SANBR: variants seen among roughly 807,000 people sequenced by gnomAD.
SANBR encodes the protein SANT and BTB domain regulator of CSR, also known as SANT and BTB domain regulator of class switch recombination.
A neutral mutation model predicts 101.8 loss-of-function variants in SANBR; 77 were observed. That is an observed-to-expected ratio of 0.76 (90% CI 0.63 to 0.91). The LOEUF is 0.91. Ranked by LOEUF, SANBR falls within the 40% of genes least tolerant of loss-of-function variation. SANBR has a pLI of 0.00. For missense variants in SANBR, 875 were observed against 853.0 expected (o/e 1.03, Z -0.32); for synonymous variants, 279 against 274.7 (o/e 1.02, Z -0.15).
chr2:61,106,487 T>C, intron 13 of SANBR, 76 bp from the exon 14 acceptor site: 2 of 992,372 alleles, frequency 2.0e-6, no homozygotes, highest in South Asian at 3.0e-5. Context: ...TTGAAACATT[T>C]GTAATAAAAA....
At chr2:61,077,466 C>G (rs1681853523) in intron 6 of SANBR, among the ~76,000 whole-genome samples, 1 of 152,106 alleles carries the variant, frequency 6.6e-6, no homozygotes, top group Non-Finnish European at 1.5e-5. Context: ...TGTCACTTGA[C>G]TTTCTCACTG....
Position 61,083,248 on chromosome 2 carries a change from G to A in SANBR, c.824G>A (p.Arg275His), listed in dbSNP as rs74574747. 4.0e-5 allele frequency: 64 copies of A among 1,609,806 alleles called. 1 individual carries two copies. The highest frequency in any genetic ancestry group is 3.1e-4 in the South Asian group (28 of 90,984). The change falls in exon 8 of 22, where the codon CGT becomes CAT. Residue 275 changes from arginine (R) to histidine (H), a missense_variant. Arg to His is a conservative substitution (Grantham distance 29). Coordinates refer to ENST00000402291, the MANE Select transcript of SANBR (RefSeq NM_001129993.3). ...MNCINANLLT[R>H]IADLFSHNEV... Reference sequence around the variant, plus strand: ...TGTATTAATGCAAATCTTCTCACACGTATAGCTGATCTGTTCTCACACAAT... The same window carrying A: ...TGTATTAATGCAAATCTTCTCACACATATAGCTGATCTGTTCTCACACAAT...
Position 61,121,233 on chromosome 2 carries a change from G to T in SANBR, c.2077G>T (p.Val693Leu). The change falls in exon 21 of 22, where the codon GTG becomes TTG. Residue 693 changes from valine to leucine, a missense_variant. Val to Leu is a conservative substitution (Grantham distance 32). Transcript: ENST00000402291. Reference protein sequence around the residue: ...SRLEAQIKASVPVSARQSSSE... With the variant: ...SRLEAQIKASLPVSARQSSSE... ...GCTGGAAGCACAAATCAAGGCCTCA[G>T]TGCCAGTTAGTGCACGCCAAAGCAG... 1.3e-6 allele frequency: 2 copies of T among 1,551,314 alleles called. No individual in the cohort carries two copies. Among genetic ancestry groups the T allele is most frequent in the Non-Finnish European group, 1.7e-6 (2 of 1,146,662 alleles).
chr2:61,135,804 A>G (rs1419984539), intron 21 of SANBR, among the ~76,000 whole-genome samples: 1 of 152,222 alleles, frequency 6.6e-6, no homozygotes, highest in Non-Finnish European at 1.5e-5. Flanking sequence ...GTAGGGAATT[A>G]TAGAAAGCAA....
At chr2:61,093,108 G>C (rs928870964) in intron 11 of SANBR, among the ~76,000 whole-genome samples, 1 of 151,976 alleles carries the variant, frequency 6.6e-6, no homozygotes, top group Non-Finnish European at 1.5e-5. Context: ...ACTCCAGCCT[G>C]GGTGACAGAG....
At chr2:61,076,792 C>G (rs1291447251) in intron 5 of SANBR, 128 bp from the exon 6 acceptor site, 4 of 659,678 alleles carry the variant, frequency 6.1e-6, no homozygotes, top group Non-Finnish European at 7.9e-6. Context: ...TGTCAAGACC[C>G]TATAAAACTG....
exon 21 of SANBR, chr2:61,134,169 G>A: frequency 6.2e-7 from 1 of 1,613,770 alleles, no homozygotes; most frequent in Non-Finnish European, 8.5e-7. Flanking sequence ...ACGGCACTGT[G>A]TCTAAGAGCA....
At chr2:61,121,355 A>G in intron 21 of SANBR, 79 bp downstream of exon 21, 1 of 866,624 alleles carries the variant, frequency 1.2e-6, no homozygotes, top group Non-Finnish European at 1.8e-6. Context: ...TATGAACACT[A>G]GAAACATATC....
At chr2:61,068,029 T>C (rs1260563113) in intron 1 of SANBR, among the ~76,000 whole-genome samples, 1 of 152,230 alleles carries the variant, frequency 6.6e-6, no homozygotes, top group African/African-American at 2.4e-5. Context: ...TTTTGTGACC[T>C]TCTCGTTAAT....
intron 3 of SANBR, among the ~76,000 whole-genome samples, chr2:61,070,830 G>A (rs1460832916): frequency 6.6e-6 from 1 of 150,812 alleles, no homozygotes; most frequent in Non-Finnish European, 1.5e-5. Context: ...CTGGAGTGCA[G>A]TGGTGCCATC....
intron 20 of SANBR, among the ~76,000 whole-genome samples, chr2:61,119,224 T>TA (rs1173020221): frequency 6.6e-6 from 1 of 152,238 alleles, no homozygotes; most frequent in Non-Finnish European, 1.5e-5. Flanking sequence ...TGGTATTATG[T>TA]AAGTACCATA....
chr2:61,081,244 C>T (rs1042595928), intron 6 of SANBR, among the ~76,000 whole-genome samples: 10 of 151,948 alleles, frequency 6.6e-5, no homozygotes, highest in Non-Finnish European at 1.2e-4. Flanking sequence ...GAATCTAACG[C>T]CAGGGTAAAT....
chr2:61,069,383 G>A (rs1368854326), intron 2 of SANBR, among the ~76,000 whole-genome samples: 4 of 150,972 alleles, frequency 2.6e-5, no homozygotes, highest in Admixed American at 1.3e-4. Context: ...AGCAAGGTTC[G>A]ATGACTTGCC....
At chr2:61,135,485 G>T (rs1346607467) in intron 21 of SANBR, among the ~76,000 whole-genome samples, 2 of 152,220 alleles carry the variant, frequency 1.3e-5, no homozygotes, top group Non-Finnish European at 2.9e-5. Context: ...TGGGCCTAAT[G>T]ACAGCATTTT....
chr2:61,106,377 C>G (rs535783047), intron 13 of SANBR, among the ~76,000 whole-genome samples, 186 bp from the exon 14 acceptor site: 2 of 105,294 alleles, frequency 1.9e-5, no homozygotes, highest in Non-Finnish European at 1.7e-5. Flanking sequence ...GGTGACAGAG[C>G]GAGACTCCAT....
chr2:61,113,722 C>T (rs555722095), intron 16 of SANBR, among the ~76,000 whole-genome samples: 73 of 152,264 alleles, frequency 4.8e-4, no homozygotes, highest in African/African-American at 1.7e-3. Flanking sequence ...GATTTCATTC[C>T]AATCTGTATA....
Position 61,117,385 on chromosome 2 carries a change from T to C in SANBR, c.1865T>C (p.Val622Ala). Residue 622 changes from valine (V) to alanine (A), a missense_variant and splice_region_variant, in exon 18 of 22, where the codon GTT becomes GCT. Physicochemically the swap from Val to Ala is moderately conservative, Grantham distance 64 (BLOSUM62 0). Coordinates refer to ENST00000402291, the MANE Select transcript of SANBR (RefSeq NM_001129993.3). ...KSASRDVSPF[V>A]MSMQKNKWDA... is the part of the protein sequence containing the mutation. ...GCTTCTAGAGATGTGTCTCCTTTCG[T>C]GTGAGTATTGCTCCTTAATCCAATC... The C allele has an allele frequency of 6.2e-7, 1 of 1,613,936 alleles. No individual in the cohort carries two copies. Among genetic ancestry groups the C allele is most frequent in the Non-Finnish European group, 8.5e-7 (1 of 1,179,848 alleles).
At chr2:61,130,879 G>A (rs1476864055) in intron 20 of SANBR, among the ~76,000 whole-genome samples, 6 of 114,358 alleles carry the variant, frequency 5.2e-5, no homozygotes, top group East Asian at 5.8e-4. Context: ...GCAGTGAGCC[G>A]AGATCACACC....
chr2:61,108,259 TAAG>T, intron 14 of SANBR, 55 bp from the exon 15 acceptor site: 7 of 1,078,576 alleles, frequency 6.5e-6, no homozygotes, highest in Non-Finnish European at 9.6e-6. Flanking sequence ...TATATCAAAA[TAAG>T]GAGCTGCAAT....
Sources: allele counts gnomAD v4.1 joint callset (sites outside exome capture counted in the v4.1 genomes callset), GRCh38; gene constraint gnomAD v4.1.1; transcripts MANE v1.5; gene names NCBI Gene and HGNC (gene_info 2026-07-23, HGNC 2026-07-21).